The following KIAA0513 variants were observed in gnomAD, a reference collection of about 807,000 sequenced individuals.
The protein encoded by KIAA0513 is uncharacterized protein KIAA0513.
KIAA0513 carries 39 observed loss-of-function variants against 56.5 expected under a neutral mutation model. That is an observed-to-expected ratio of 0.69 (90% CI 0.53 to 0.90). KIAA0513 has a LOEUF of 0.90. KIAA0513 is among the 40% of genes least tolerant of loss of function. The probability of loss-of-function intolerance (pLI) is 0.00; values close to 1 mark genes in which losing one functional copy is unlikely to be tolerated. For missense variants in KIAA0513, 591 were observed against 535.2 expected, an observed-to-expected ratio of 1.10 and a Z score of -1.03; for synonymous variants, 268 against 215.6, an observed-to-expected ratio of 1.24 and a Z score of -2.13.
At chr16:85,052,719 G>A (rs1176577941) in intron 1 of KIAA0513, among the ~76,000 whole-genome samples, 2 of 152,088 alleles carry the variant, frequency 1.3e-5, no homozygotes, top group African/African-American at 2.4e-5. Flanking sequence ...AGAGTGAATG[G>A]CATCATCACT....
intron 2 of KIAA0513, among the ~76,000 whole-genome samples, chr16:85,068,113 GCT>G: frequency 6.6e-6 from 1 of 151,296 alleles, no homozygotes; most frequent in Non-Finnish European, 1.5e-5. Context: ...ACCCGGCTGA[GCT>G]CTGTTATTTT....
At chr16:85,057,444 C>A (rs2073345455) in intron 1 of KIAA0513, among the ~76,000 whole-genome samples, 1 of 152,226 alleles carries the variant, frequency 6.6e-6, no homozygotes, top group African/African-American at 2.4e-5. Context: ...CTGCAACTGA[C>A]CTTGCAGACT....
chr16:85,056,211 T>TCCAGGATCCCAGACGG, intron 1 of KIAA0513, among the ~76,000 whole-genome samples: 1 of 152,220 alleles, frequency 6.6e-6, no homozygotes, highest in African/African-American at 2.4e-5. Context: ...ATCCCAGACA[T>TCCAGGATCCCAGACGG]GGATCCTAAA....
rs117682507 is a variant in KIAA0513, at chr16:85,089,782, G to A, written c.*1457G>A. The A allele has an allele frequency of 5.3e-5, 8 of 152,126 alleles. No individual in the cohort carries two copies. The highest frequency in any genetic ancestry group is 1.9e-4 in the African/African-American group (8 of 41,412). The allele number at this position is 152,126 out of a possible 1,614,324, so 9.4% of individuals were successfully genotyped here. On this transcript the variant is annotated 3_prime_UTR_variant, in exon 13 of 13. Coordinates refer to ENST00000683363, the MANE Select transcript of KIAA0513 (RefSeq NM_001388359.1). This position sits in a 1 kb window ranked among gnomAD's most constrained non-coding sequence, Gnocchi z 4.2. ...GCCACTGCTTGGAAGGTTTCCCTCC[G>A]GGGAATGCCTCCCTGGAATGTTCCA...
At chr16:85,061,600 G>C (rs1372425217) in intron 1 of KIAA0513, among the ~76,000 whole-genome samples, 1 of 152,176 alleles carries the variant, frequency 6.6e-6, no homozygotes, top group African/African-American at 2.4e-5. Context: ...ATGGGAAGGG[G>C]CAGGCTCACA....
chr16:85,051,543 G>A (rs890143866), intron 1 of KIAA0513, among the ~76,000 whole-genome samples: 3 of 152,142 alleles, frequency 2.0e-5, no homozygotes, highest in African/African-American at 7.2e-5. Context: ...GTTCCGGTTG[G>A]TGGTGGCTCC....
intron 1 of KIAA0513, among the ~76,000 whole-genome samples, chr16:85,042,341 T>C (rs1250765761): frequency 6.6e-6 from 1 of 152,204 alleles, no homozygotes; most frequent in Non-Finnish European, 1.5e-5. Context: ...TTGAGTCTTT[T>C]CCCATGGTGT....
Position 85,086,645 on chromosome 16 carries a change from G to C in KIAA0513, c.1012G>C (p.Glu338Gln), listed in dbSNP as rs368263054. The C allele has an allele frequency of 6.2e-7, 1 of 1,613,732 alleles. No homozygotes were observed. The highest frequency in any genetic ancestry group is 1.3e-5 in the African/African-American group (1 of 75,054). The change falls in exon 11 of 13, where the codon GAG becomes CAG. Residue 338 changes from glutamate (E) to glutamine (Q), a missense_variant and splice_region_variant. Coordinates refer to ENST00000683363, the MANE Select transcript of KIAA0513 (RefSeq NM_001388359.1). ...GDAGEEEEKR[E>Q]KWCHMTQEER... Reference sequence around the variant, plus strand: ...TTCTGTCACCTCCTGTGCTTGCAGGGAGAAGTGGTGCCACATGACCCAGGA... The same window carrying C: ...TTCTGTCACCTCCTGTGCTTGCAGGCAGAAGTGGTGCCACATGACCCAGGA...
At chr16:85,060,627 C>T (rs1345153274) in intron 1 of KIAA0513, among the ~76,000 whole-genome samples, 1 of 151,824 alleles carries the variant, frequency 6.6e-6, no homozygotes, top group Non-Finnish European at 1.5e-5. Context: ...TTGCTGGGGC[C>T]CAGGAGTTTG....
chr16:85,088,517 C>T lies in KIAA0513; in HGVS notation c.*192C>T, dbSNP rs974095161. ...TCTCCTCTGCCTGTGTCTGCGACCC[C>T]CATCCATGTGCCAAAGTGTCCCTTG... On this transcript the variant is annotated 3_prime_UTR_variant, in exon 13 of 13. Coordinates refer to ENST00000683363, the MANE Select transcript of KIAA0513 (RefSeq NM_001388359.1). 3.4e-6 allele frequency: 2 copies of T among 588,898 alleles called. No homozygotes were observed. Among genetic ancestry groups the T allele is most frequent in the Non-Finnish European group, 3.0e-6 (1 of 328,892 alleles). 36.5% of individuals were successfully genotyped at this position (588,898 alleles called of 1,614,324 possible).
intron 12 of KIAA0513, among the ~76,000 whole-genome samples, chr16:85,088,002 A>T (rs78308748): frequency 0.012 from 1,794 of 152,356 alleles, 20 homozygotes; most frequent in East Asian, 0.066. Flanking sequence ...TTTCATAAGA[A>T]GGTGCGTTTC....
chr16:85,073,695 G>A (rs1242698715), intron 4 of KIAA0513, among the ~76,000 whole-genome samples: 1 of 152,190 alleles, frequency 6.6e-6, no homozygotes, highest in Non-Finnish European at 1.5e-5. Flanking sequence ...TGGCCTGACC[G>A]ACCCGGAGCC....
At chr16:85,039,937 C>T (rs1285814070) in intron 1 of KIAA0513, among the ~76,000 whole-genome samples, 1 of 151,748 alleles carries the variant, frequency 6.6e-6, no homozygotes, top group African/African-American at 2.4e-5. Flanking sequence ...CAGGTTCAAG[C>T]AATTCTCCTG....
At chr16:85,065,260 G>T (rs1217790680) in intron 1 of KIAA0513, among the ~76,000 whole-genome samples, 2 of 152,210 alleles carry the variant, frequency 1.3e-5, no homozygotes, top group Non-Finnish European at 2.9e-5. Flanking sequence ...CGGCCAGGGG[G>T]GACCCATCAG....
chr16:85,029,340 A>G (rs988048311), intron 1 of KIAA0513, among the ~76,000 whole-genome samples: 2 of 152,168 alleles, frequency 1.3e-5, no homozygotes, highest in South Asian at 2.1e-4. Flanking sequence ...TGCCTTTTGT[A>G]TGGGATGTGT....
intron 11 of KIAA0513, 26 bp downstream of exon 11, chr16:85,086,750 A>T: frequency 3.8e-6 from 6 of 1,563,218 alleles, no homozygotes; most frequent in Admixed American, 1.7e-5. Context: ...GGAAAGCGGG[A>T]GGGGAGAGGG....
At chr16:85,043,553 A>T (rs2073131290) in intron 1 of KIAA0513, among the ~76,000 whole-genome samples, 2 of 151,872 alleles carry the variant, frequency 1.3e-5, no homozygotes, top group South Asian at 4.2e-4. Context: ...CTGGGACTAC[A>T]GGCGTGCGCC....
At chr16:85,077,688 T>C in intron 6 of KIAA0513, 56 bp downstream of exon 6, 1 of 1,377,610 alleles carries the variant, frequency 7.3e-7, no homozygotes, top group South Asian at 1.3e-5. Flanking sequence ...GAGGCTGGTG[T>C]GGAGCTCGGA....
intron 1 of KIAA0513, among the ~76,000 whole-genome samples, chr16:85,053,323 A>G (rs1207826504): frequency 1.3e-5 from 2 of 152,272 alleles, no homozygotes; most frequent in African/African-American, 4.8e-5. Flanking sequence ...TTTCCCAGCC[A>G]GAGGCATCTT....
Sources: gnomAD v4.1 joint callset for allele counts (sites outside exome capture counted in the v4.1 genomes callset) on GRCh38, gnomAD v4.1.1 for gene constraint, Gnocchi (gnomAD v3.1) non-coding constraint, MANE v1.5 for transcripts, NCBI Gene and HGNC (gene_info 2026-07-23, HGNC 2026-07-21) for gene names.